PRDM15: variants seen among roughly 807,000 people sequenced by gnomAD.
PRDM15 encodes the protein PR/SET domain 15, also known as PR domain zinc finger protein 15.
In PRDM15, 64 loss-of-function variants were observed where a neutral mutation model predicts 128.6. That is an observed-to-expected ratio of 0.50 (90% CI 0.41 to 0.61). PRDM15 has a LOEUF of 0.61. Ranked by LOEUF, PRDM15 falls within the 20% of genes least tolerant of loss-of-function variation. PRDM15 has a pLI of 0.00. For synonymous variants in PRDM15, 615 were observed against 621.8 expected (o/e 0.99, Z 0.16); for missense variants, 1,242 against 1,569.1 (o/e 0.79, Z 3.52).
chr21:41,809,240 T>TC (rs1489120048), intron 21 of PRDM15, among the ~76,000 whole-genome samples: 1 of 151,042 alleles, frequency 6.6e-6, no homozygotes, highest in Non-Finnish European at 1.5e-5. Flanking sequence ...TTTTCTTTTT[T>TC]TTTTTTTTTT....
intron 6 of PRDM15, among the ~76,000 whole-genome samples, chr21:41,842,352 C>G (rs2063098341): frequency 6.6e-6 from 1 of 152,200 alleles, no homozygotes; most frequent in Non-Finnish European, 1.5e-5. Flanking sequence ...ACTATACTCT[C>G]CCTCCCAAAT....
At chr21:41,878,976 A>G in intron 1 of PRDM15, 2 of 990,616 alleles carry the variant, frequency 2.0e-6, no homozygotes, top group South Asian at 8.5e-5. Context: ...CCCGGCCAGG[A>G]GCGCCCGCGG....
chr21:41,832,024 G>A lies in PRDM15; in HGVS notation c.1366+3413C>T, dbSNP rs549570225. Among the ~76,000 whole-genome samples, 6 of 150,814 alleles carry A rather than the reference G, an allele frequency of 4.0e-5. No individual in the cohort carries two copies. Among genetic ancestry groups the A allele is most frequent in the Non-Finnish European group, 5.9e-5 (4 of 67,518 alleles). ...GCTTAAGATTTGATGGGCTCTGTCC[G>A]GATCCACACGACCGCATGGTATGTG... On this transcript the variant is annotated intron_variant, in intron 11 of 23. Coordinates refer to ENST00000398548, the MANE Select transcript of PRDM15 (RefSeq NM_001040424.3). This position sits in a 1 kb window ranked among gnomAD's most constrained non-coding sequence, Gnocchi z 4.2.
chr21:41,838,154 A>T, intron 7 of PRDM15, 91 bp from the exon 8 acceptor site: 1 of 1,401,932 alleles, frequency 7.1e-7, no homozygotes, highest in Non-Finnish European at 9.9e-7. Flanking sequence ...CATGGGAACC[A>T]CAGCCAGGCC....
intron 1 of PRDM15, among the ~76,000 whole-genome samples, chr21:41,867,619 A>T (rs923464389): frequency 6.6e-6 from 1 of 152,216 alleles, no homozygotes; most frequent in Non-Finnish European, 1.5e-5. Context: ...CGTTTTGAGG[A>T]TTATTTATTA....
intron 16 of PRDM15, 106 bp downstream of exon 16, chr21:41,820,961 T>A (rs1240211495): frequency 7.0e-7 from 1 of 1,421,268 alleles, no homozygotes; most frequent in Non-Finnish European, 9.8e-7. Context: ...CCAGAGGACA[T>A]CACTTGTTGG....
In PRDM15 at chr21:41,856,202, T is replaced by C. The variant is rs1356191942; in HGVS notation, c.285+974A>G. 1.2e-3 allele frequency among the ~76,000 whole-genome samples: 7 copies of C among 5,856 alleles called. 1 individual carries two copies. The highest frequency in any genetic ancestry group is 1.5e-3 in the Admixed American group (1 of 646). 3.8% of individuals were successfully genotyped at this position (5,856 alleles called of 152,430 possible). A position where few individuals can be genotyped will look rare whatever the true frequency, so the allele number is the denominator to read the frequency against. ...TCCCTCCCTCCCCTCCCTCCCTTCC[T>C]TTCCTTCCTTCCCTCCCTCCCCTCC... On this transcript the variant is annotated intron_variant, in intron 4 of 23. Transcript: ENST00000398548.
chr21:41,853,643 CA>C (rs934282091), intron 5 of PRDM15, among the ~76,000 whole-genome samples: 4 of 152,208 alleles, frequency 2.6e-5, no homozygotes, highest in Non-Finnish European at 4.4e-5. Flanking sequence ...GCTTGATGGG[CA>C]AAGTGATGCC....
chr21:41,822,096 T>C lies in PRDM15; in HGVS notation c.1762-59A>G, dbSNP rs2062295853. On this transcript the variant is annotated intron_variant, in intron 14 of 23. Transcript: ENST00000398548. Reference sequence around the variant, plus strand: ...GCGCAGCAGACGCTTCACTCAGTTATCTACACCGCAGGGACGACCAATCAT... The same window carrying C: ...GCGCAGCAGACGCTTCACTCAGTTACCTACACCGCAGGGACGACCAATCAT... 4 of 1,606,750 alleles carry C rather than the reference T, an allele frequency of 2.5e-6. No homozygotes were observed. In the East Asian group the frequency reaches 6.7e-5, roughly 27 times the overall value.
At chr21:41,806,738 T>TCACCACC (rs1490651603) in intron 21 of PRDM15, among the ~76,000 whole-genome samples, 1 of 73,774 alleles carries the variant, frequency 1.4e-5, no homozygotes, top group Non-Finnish European at 2.7e-5. Context: ...ACCATCACCA[T>TCACCACC]ACCACCACCA....
At chr21:41,831,815 G>T (rs1360662449) in intron 11 of PRDM15, among the ~76,000 whole-genome samples, 1 of 152,170 alleles carries the variant, frequency 6.6e-6, no homozygotes, top group Admixed American at 6.5e-5. Flanking sequence ...GGCCCTGTGC[G>T]AGGCTTCTCT....
intron 21 of PRDM15, among the ~76,000 whole-genome samples, chr21:41,805,565 A>C (rs2061535437): frequency 1.3e-5 from 2 of 152,142 alleles, no homozygotes; most frequent in African/African-American, 4.8e-5. Flanking sequence ...TAAGTGTTTT[A>C]AGTTAACATA....
At chr21:41,806,113 A>G (rs1601741956) in intron 21 of PRDM15, among the ~76,000 whole-genome samples, 1 of 53,086 alleles carries the variant, frequency 1.9e-5, no homozygotes, top group Non-Finnish European at 4.0e-5. Flanking sequence ...CATCACCACC[A>G]CCACCACCAC....
At chr21:41,827,441 CCAGCCTCAAGCAATCCTCCTGCCT>C (rs1227241500) in intron 12 of PRDM15, among the ~76,000 whole-genome samples, 1 of 152,170 alleles carries the variant, frequency 6.6e-6, no homozygotes, top group Admixed American at 6.5e-5. Context: ...CCTCGACCTC[CCAGCCTCAAGCAATCCTCCTGCCT>C]CAGCCTCCTG....
chr21:41,869,584 T>C (rs556401838), intron 1 of PRDM15, among the ~76,000 whole-genome samples: 9 of 152,154 alleles, frequency 5.9e-5, no homozygotes, highest in Admixed American at 2.0e-4. Context: ...GTAGCTGGGA[T>C]TACAGGCATG....
chr21:41,836,388 G>A (rs1211562752), intron 9 of PRDM15, 80 bp downstream of exon 9: 10 of 1,452,762 alleles, frequency 6.9e-6, no homozygotes, highest in Non-Finnish European at 9.4e-6. Context: ...CCCAAGGAGG[G>A]GAGACTCCGT....
At position 41,832,247 on chromosome 21, in the gene PRDM15, C is replaced by T. The variant is rs1288103029; in HGVS notation, c.1366+3190G>A. Among the ~76,000 whole-genome samples the T allele has an allele frequency of 1.3e-5, 2 of 152,154 alleles. No individual in the cohort carries two copies. Among genetic ancestry groups the T allele is most frequent in the Middle Eastern group, 3.2e-3 (1 of 316 alleles). ...CTGTCAAATCTCTTTATCATGAATT[C>T]TTAGGAATGGGACCACTAGAGCCAA... On this transcript the variant is annotated intron_variant, in intron 11 of 23. Coordinates refer to ENST00000398548, the MANE Select transcript of PRDM15 (RefSeq NM_001040424.3). The surrounding 1 kb of genome is among the most constrained non-coding windows in gnomAD (Gnocchi z 4.2).
Position 41,828,196 on chromosome 21 carries a change from T to C in PRDM15, c.1504A>G (p.Met502Val), listed in dbSNP as rs182759790. 60 of 1,614,060 alleles carry C rather than the reference T, an allele frequency of 3.7e-5. No homozygotes were observed. The Admixed American group carries it at 5.5e-4, about 15-fold the overall frequency. Residue 502 changes from methionine (M) to valine (V), a missense_variant, in exon 12 of 24, where the codon ATG becomes GTG. Transcript: ENST00000398548. The surrounding 1 kb of genome is among the most constrained non-coding windows in gnomAD (Gnocchi z 5.7). Reference protein sequence around the residue: ...CSKMFYRKDVMLDHQRRHLEG... With the variant: ...CSKMFYRKDVVLDHQRRHLEG... ...AGGTGCCGGCGCTGGTGGTCCAGCA[T>C]GACGTCCTTGCGGTAGAACATCTTG...
At chr21:41,804,848 T>C in intron 21 of PRDM15, 1 of 394,970 alleles carries the variant, frequency 2.5e-6, no homozygotes, top group Non-Finnish European at 4.5e-6. Context: ...TGCCCCTGTA[T>C]CATCTCACGT....
Sources: allele counts gnomAD v4.1 joint callset (sites outside exome capture counted in the v4.1 genomes callset), GRCh38; gene constraint gnomAD v4.1.1; non-coding constraint Gnocchi (gnomAD v3.1); transcripts MANE v1.5; gene names NCBI Gene and HGNC (gene_info 2026-07-23, HGNC 2026-07-21).